NFX1: variants seen among roughly 807,000 people sequenced by gnomAD.
NFX1 encodes nuclear transcription factor, X-box binding 1.
Under a neutral mutation model 137.2 loss-of-function variants are expected in NFX1, and 69 were observed. That is an observed-to-expected ratio of 0.50 (90% CI 0.41 to 0.61). The LOEUF is 0.61. Among genes scored for constraint, NFX1 ranks in the 20% least tolerant of loss-of-function variants. The pLI is 0.00. For missense variants in NFX1, 1,167 were observed against 1,391.0 expected, an observed-to-expected ratio of 0.84 and a Z score of 2.56; for synonymous variants, 495 against 474.1, an observed-to-expected ratio of 1.04 and a Z score of -0.57.
In NFX1 at chr9:33,362,005, C is replaced by T. The variant is rs79744127; in HGVS notation, c.2874-2005C>T. Among the ~76,000 whole-genome samples the T allele has an allele frequency of 9.6e-4, 145 of 151,040 alleles. 1 individual carries two copies. The highest frequency in any genetic ancestry group is 3.5e-3 in the African/African-American group (142 of 41,038). ...GGGCATGGTGGCACACTTGTAGTGC[C>T]AGCTACTGGAGAGGTTGAGGTAGGA... is the stretch of plus-strand genomic sequence containing the variant. On this transcript the variant is annotated intron_variant, in intron 19 of 23. Transcript: ENST00000379540.
chr9:33,301,923 T>C (rs551231623), intron 3 of NFX1, among the ~76,000 whole-genome samples: 11 of 152,220 alleles, frequency 7.2e-5, no homozygotes, highest in African/African-American at 2.6e-4. Flanking sequence ...GATATAAAAA[T>C]TAGCCAGGCG....
chr9:33,290,683 A>C, intron 1 of NFX1, 86 bp downstream of exon 1: 1 of 1,366,870 alleles, frequency 7.3e-7, no homozygotes, highest in Non-Finnish European at 1.0e-6. Flanking sequence ...TCAGCCACTC[A>C]TATCGCGAGA....
intron 4 of NFX1, among the ~76,000 whole-genome samples, chr9:33,304,553 G>T (rs1385432179): frequency 1.3e-5 from 2 of 152,122 alleles, no homozygotes; most frequent in Admixed American, 1.3e-4. Context: ...CAATACCTTG[G>T]TGAACTCTTT....
intron 21 of NFX1, chr9:33,365,111 T>C (rs1406268276): frequency 2.5e-6 from 1 of 397,822 alleles, no homozygotes; most frequent in Non-Finnish European, 3.6e-6. Context: ...CTGTCTCTAC[T>C]AAAAATATAA....
intron 10 of NFX1, among the ~76,000 whole-genome samples, chr9:33,329,099 A>T (rs570013691): frequency 6.6e-6 from 1 of 152,346 alleles, no homozygotes; most frequent in South Asian, 2.1e-4. Context: ...CAGTTTTATT[A>T]CAAGGAAAAG....
chr9:33,314,805 A>G (rs1822095648), intron 7 of NFX1, among the ~76,000 whole-genome samples: 1 of 152,238 alleles, frequency 6.6e-6, no homozygotes, highest in Non-Finnish European at 1.5e-5. Flanking sequence ...TTCTGGGTTG[A>G]TAGAAATGTT....
rs746432575 is a variant in NFX1, at chr9:33,331,223, C to T, written c.2005-1249C>T. Among the ~76,000 whole-genome samples, 22 of 152,042 alleles carry T rather than the reference C, an allele frequency of 1.4e-4. 1 individual carries two copies. Among genetic ancestry groups the T allele is most frequent in the Non-Finnish European group, 2.4e-4 (16 of 68,000 alleles). On this transcript the variant is annotated intron_variant, in intron 10 of 23. Transcript: ENST00000379540. The stretch of plus-strand genomic sequence containing the variant: ...CACCTCATTGTTTAACTAGATTTTT[C>T]ATGAATATGGATTTTTCATGACATG...
chr9:33,360,508 G>C (rs753004239), intron 19 of NFX1, among the ~76,000 whole-genome samples: 1 of 152,032 alleles, frequency 6.6e-6, no homozygotes, highest in East Asian at 1.9e-4. Context: ...CCTCAATCTT[G>C]GTGATGACAT....
At chr9:33,304,016 C>T (rs1022680787) in intron 4 of NFX1, among the ~76,000 whole-genome samples, 8 of 152,204 alleles carry the variant, frequency 5.3e-5, no homozygotes, top group African/African-American at 1.9e-4. Context: ...CCTGTAATCC[C>T]AGCACTTTGG....
At chr9:33,301,601 C>G (rs944876954) in intron 3 of NFX1, among the ~76,000 whole-genome samples, 180 bp downstream of exon 3, 2 of 152,090 alleles carry the variant, frequency 1.3e-5, no homozygotes, top group African/African-American at 4.8e-5. Flanking sequence ...TTAAATAAAC[C>G]AGCTAAACAA....
chr9:33,347,402 T>A (rs1268608919), intron 15 of NFX1, among the ~76,000 whole-genome samples: 1 of 152,234 alleles, frequency 6.6e-6, no homozygotes, highest in African/African-American at 2.4e-5. Context: ...TGCCCCTGTA[T>A]ACTCAATGTC....
intron 14 of NFX1, among the ~76,000 whole-genome samples, chr9:33,345,126 C>A (rs1823369792): frequency 6.6e-6 from 1 of 151,614 alleles, no homozygotes; most frequent in Non-Finnish European, 1.5e-5. Flanking sequence ...TGTGCCACTG[C>A]ACTTCAGCCT....
chr9:33,367,467 C>T (rs757827629), intron 22 of NFX1, 48 bp from the exon 23 acceptor site: 2 of 1,591,368 alleles, frequency 1.3e-6, no homozygotes, highest in Middle Eastern at 1.7e-4. Context: ...TGTCCATCTC[C>T]ACAAACAATT....
At chr9:33,367,390 C>T (rs2118708663) in intron 22 of NFX1, 125 bp from the exon 23 acceptor site, 1 of 855,754 alleles carries the variant, frequency 1.2e-6, no homozygotes, top group African/African-American at 1.7e-5. Context: ...TGAGAGCAGA[C>T]AGTTCATACC....
In NFX1 at chr9:33,368,191, C is replaced by T. The variant is rs1824225429; in HGVS notation, c.3290+572C>T. On this transcript the variant is annotated intron_variant, in intron 23 of 23. Transcript: ENST00000379540. ...CAGAGGTTGCAGTGAGCCGAGATCG[C>T]ACCACTGCACTCCACCCTGGGCGAC... Among the ~76,000 whole-genome samples the T allele has an allele frequency of 3.9e-5, 6 of 152,030 alleles. 1 individual carries two copies. In the South Asian group the frequency reaches 1.2e-3, roughly 32 times the overall value.
intron 6 of NFX1, among the ~76,000 whole-genome samples, chr9:33,312,124 A>G (rs1157335185): frequency 3.3e-5 from 5 of 152,174 alleles, no homozygotes; most frequent in African/African-American, 9.7e-5. Context: ...TTTTTGAACC[A>G]CAGGATGAGA....
rs1464154568 is a variant in NFX1, at chr9:33,313,558, G to A, written c.1449-96G>A. 1.0e-5 allele frequency: 12 copies of A among 1,179,608 alleles called. No individual in the cohort carries two copies. In the Admixed American group the frequency reaches 1.9e-4, roughly 19 times the overall value. 73.1% of individuals were successfully genotyped at this position (1,179,608 alleles called of 1,614,324 possible). On this transcript the variant is annotated intron_variant, in intron 6 of 23. Transcript: ENST00000379540. Reference sequence around the variant, plus strand: ...AAATGAAGTTAGAGAAAGGCTTAGTGGGTTTTGAGGGGAGAGTTAGGGGCC... The same window carrying A: ...AAATGAAGTTAGAGAAAGGCTTAGTAGGTTTTGAGGGGAGAGTTAGGGGCC...
chr9:33,296,684 A>G (rs1048534172), intron 2 of NFX1, among the ~76,000 whole-genome samples: 2 of 152,244 alleles, frequency 1.3e-5, no homozygotes, highest in African/African-American at 2.4e-5. Flanking sequence ...GCAGTGAGCT[A>G]TTGTACTCCA....
chr9:33,325,264 T>A (rs2118441228), intron 9 of NFX1, among the ~76,000 whole-genome samples: 1 of 152,264 alleles, frequency 6.6e-6, no homozygotes, highest in Middle Eastern at 3.4e-3. Flanking sequence ...ACTTATCACA[T>A]ACAAGGGAAC....
Sources: allele counts gnomAD v4.1 joint callset (sites outside exome capture counted in the v4.1 genomes callset), GRCh38; gene constraint gnomAD v4.1.1; transcripts MANE v1.5; gene names NCBI Gene and HGNC (gene_info 2026-07-23, HGNC 2026-07-21).